FUT8: variants seen among roughly 807,000 people sequenced by gnomAD.
The protein encoded by FUT8 is fucosyltransferase 8, also known as alpha-(1,6)-fucosyltransferase.
A neutral mutation model predicts 71.3 loss-of-function variants in FUT8; 29 were observed. That is an observed-to-expected ratio of 0.41 (90% CI 0.30 to 0.55). FUT8 has a LOEUF of 0.55. Among genes scored for constraint, FUT8 ranks in the 20% least tolerant of loss-of-function variants. The probability of loss-of-function intolerance (pLI) is 0.34; values close to 1 mark genes in which losing one functional copy is unlikely to be tolerated. For synonymous variants in FUT8, 254 were observed against 239.3 expected, an observed-to-expected ratio of 1.06 and a Z score of -0.57; for missense variants, 544 against 702.1, an observed-to-expected ratio of 0.77 and a Z score of 2.55.
intron 2 of FUT8, among the ~76,000 whole-genome samples, chr14:65,523,157 C>T (rs924160380): frequency 6.6e-6 from 1 of 152,178 alleles, no homozygotes; most frequent in African/African-American, 2.4e-5. Context: ...ACGCTGTCTT[C>T]CACAATGGTT....
chr14:65,717,286 T>A (rs1311068282), intron 7 of FUT8, among the ~76,000 whole-genome samples: 3 of 71,908 alleles, frequency 4.2e-5, no homozygotes, highest in Non-Finnish European at 2.7e-5. Context: ...CGCTCCTCAC[T>A]TCCCAGACGA....
At chr14:65,441,402 G>A (rs925923770) in intron 1 of FUT8, among the ~76,000 whole-genome samples, 8 of 152,094 alleles carry the variant, frequency 5.3e-5, no homozygotes, top group African/African-American at 1.7e-4. Flanking sequence ...CCAAGCTTTC[G>A]TTCACAGTGA....
chr14:65,365,593 C>T, the FUT8 span, among the ~76,000 whole-genome samples: 1 of 148,112 alleles, frequency 6.8e-6, no homozygotes, highest in Admixed American at 6.9e-5. Context: ...GCTAAAACCA[C>T]CAAAACCAAG....
At chr14:65,645,282 A>G (rs898577185) in intron 6 of FUT8, among the ~76,000 whole-genome samples, 2 of 152,232 alleles carry the variant, frequency 1.3e-5, no homozygotes, top group Non-Finnish European at 2.9e-5. Context: ...CAAATGCCAC[A>G]AATACTAAAC....
intron 2 of FUT8, among the ~76,000 whole-genome samples, chr14:65,463,432 A>G (rs1352252842): frequency 6.6e-6 from 1 of 151,492 alleles, no homozygotes; most frequent in Non-Finnish European, 1.5e-5. Context: ...ATGCCTGGCT[A>G]ATTTTTTGCA....
intron 6 of FUT8, among the ~76,000 whole-genome samples, chr14:65,658,697 T>A (rs570848286): frequency 2.9e-4 from 44 of 152,226 alleles, no homozygotes; most frequent in Non-Finnish European, 5.0e-4. Context: ...ATAATGCTCT[T>A]AAAGTGACTA....
Position 65,467,858 on chromosome 14 carries a change from A to C in FUT8, c.-228+12140A>C. On this transcript the variant is annotated intron_variant, in intron 2 of 10. Coordinates refer to ENST00000673929, the MANE Select transcript of FUT8 (RefSeq NM_001371533.1). The surrounding 1 kb of genome is among the most constrained non-coding windows in gnomAD (Gnocchi z 4.1). ...GTTCCAGCAGCTCAGGCTCCTTCCCACTGGTTCTCACAAAGTGTGCTTCTC... is the reference window on the plus strand; with the variant it reads ...GTTCCAGCAGCTCAGGCTCCTTCCCCCTGGTTCTCACAAAGTGTGCTTCTC... 1.3e-6 allele frequency: 1 copy of C among 786,332 alleles called. No homozygotes were observed. The highest frequency in any genetic ancestry group is 1.7e-5 in the Admixed American group (1 of 57,936). 48.7% of individuals were successfully genotyped at this position (786,332 alleles called of 1,614,324 possible). A position where few individuals can be genotyped will look rare whatever the true frequency, so the allele number is the denominator to read the frequency against.
intron 2 of FUT8, among the ~76,000 whole-genome samples, chr14:65,540,446 T>G (rs1225488267): frequency 6.6e-6 from 1 of 152,192 alleles, no homozygotes; most frequent in Non-Finnish European, 1.5e-5. Context: ...ATTGAAAGTG[T>G]AATAACTGGA....
upstream of FUT8, chr14:65,412,358 T>A (rs1314279623): frequency 2.9e-5 from 13 of 455,626 alleles, no homozygotes; most frequent in Non-Finnish European, 5.7e-5. Flanking sequence ...GGCCGCCGAC[T>A]GAGCTGGCAC....
intron 1 of FUT8, among the ~76,000 whole-genome samples, chr14:65,429,055 G>A (rs1217866381): frequency 2.6e-5 from 4 of 152,198 alleles, no homozygotes; most frequent in African/African-American, 7.2e-5. Context: ...GTGTACATGT[G>A]TATATGTGTG....
intron 3 of FUT8, among the ~76,000 whole-genome samples, chr14:65,568,253 A>G (rs78873734): frequency 0.018 from 2,664 of 151,748 alleles, 78 homozygotes; most frequent in African/African-American, 0.061. Flanking sequence ...TTGTATATCT[A>G]TAGTAATGTC....
intron 7 of FUT8, among the ~76,000 whole-genome samples, chr14:65,680,487 A>C (rs988947896): frequency 1.3e-5 from 2 of 152,156 alleles, no homozygotes; most frequent in African/African-American, 4.8e-5. Flanking sequence ...CTTTTGTCTA[A>C]AATCAATCAG....
In FUT8 at chr14:65,467,992, T is replaced by TA. The variant is rs2066071947; in HGVS notation, c.-228+12275dup. On this transcript the variant is annotated intron_variant, in intron 2 of 10. Coordinates refer to ENST00000673929, the MANE Select transcript of FUT8 (RefSeq NM_001371533.1). This position sits in a 1 kb window ranked among gnomAD's most constrained non-coding sequence, Gnocchi z 4.1. Reference sequence around the variant, plus strand: ...TGTTTCAGGAAGCTATTTTGGCTCTTAGAGTGCTGAATGTGCTCAATACGC... The same window carrying TA: ...TGTTTCAGGAAGCTATTTTGGCTCTTAAGAGTGCTGAATGTGCTCAATACGC... The TA allele has an allele frequency of 2.9e-6, 2 of 695,850 alleles. No individual in the cohort carries two copies. Among genetic ancestry groups the TA allele is most frequent in the Admixed American group, 2.0e-5 (1 of 51,188 alleles). 43.1% of individuals were successfully genotyped at this position (695,850 alleles called of 1,614,324 possible).
At chr14:65,546,419 C>T (rs1183109748) in intron 2 of FUT8, among the ~76,000 whole-genome samples, 1 of 151,652 alleles carries the variant, frequency 6.6e-6, no homozygotes, top group Non-Finnish European at 1.5e-5. Flanking sequence ...TAGAGTCATA[C>T]AGTGTGTATT....
chr14:65,679,379 T>C (rs1373279238), intron 7 of FUT8, among the ~76,000 whole-genome samples: 1 of 152,248 alleles, frequency 6.6e-6, no homozygotes, highest in Non-Finnish European at 1.5e-5. Context: ...TTTGGAAATA[T>C]AATACCTAGA....
At chr14:65,484,711 T>C (rs1052754585) in intron 2 of FUT8, among the ~76,000 whole-genome samples, 9 of 152,124 alleles carry the variant, frequency 5.9e-5, no homozygotes, top group East Asian at 1.9e-4. Context: ...GTGGATTACA[T>C]TGCTTGATTT....
chr14:65,401,337 G>A, the FUT8 span, among the ~76,000 whole-genome samples: 1 of 152,176 alleles, frequency 6.6e-6, no homozygotes, highest in Non-Finnish European at 1.5e-5. Flanking sequence ...TCCTGTGTTT[G>A]CTACACCCAT....
At chr14:65,583,768 A>C (rs1395945961) in intron 3 of FUT8, among the ~76,000 whole-genome samples, 1 of 152,220 alleles carries the variant, frequency 6.6e-6, no homozygotes, top group Admixed American at 6.5e-5. Flanking sequence ...TGCTCTTCCC[A>C]ACCCTATATT....
intron 3 of FUT8, among the ~76,000 whole-genome samples, chr14:65,562,178 T>C (rs1246252733): frequency 6.6e-6 from 1 of 152,174 alleles, no homozygotes; most frequent in East Asian, 1.9e-4. Context: ...TGCATTTTAA[T>C]GTAGAAAAAC....
Sources: allele counts gnomAD v4.1 joint callset (sites outside exome capture counted in the v4.1 genomes callset), GRCh38; gene constraint gnomAD v4.1.1; non-coding constraint Gnocchi (gnomAD v3.1); transcripts MANE v1.5; gene names NCBI Gene and HGNC (gene_info 2026-07-23, HGNC 2026-07-21).